CHN1: variants seen among roughly 807,000 people sequenced by gnomAD.
CHN1 encodes the protein N-chimaerin.
CHN1 carries 37 observed loss-of-function variants against 59.5 expected under a neutral mutation model. The observed-to-expected ratio is 0.62, with a 90% CI of 0.48 to 0.82. The LOEUF (loss-of-function observed/expected upper bound fraction) is 0.82. Among genes scored for constraint, CHN1 ranks in the 40% least tolerant of loss-of-function variants. The pLI is 0.00. For missense variants in CHN1, 469 were observed against 571.0 expected (o/e 0.82, Z 1.82); for synonymous variants, 206 against 200.4 (o/e 1.03, Z -0.24).
At chr2:174,979,280 A>G (rs1336322600) in intron 1 of CHN1, among the ~76,000 whole-genome samples, 6 of 152,208 alleles carry the variant, frequency 3.9e-5, no homozygotes. Flanking sequence ...TATCAACCAT[A>G]ATAACTTGTT....
intron 6 of CHN1, among the ~76,000 whole-genome samples, chr2:174,860,141 A>G (rs1001177843): frequency 1.3e-5 from 2 of 152,192 alleles, no homozygotes; most frequent in Non-Finnish European, 2.9e-5. Flanking sequence ...ATAAAAACAA[A>G]TCAATAAAAC....
chr2:174,921,093 T>C (rs1467608997), intron 3 of CHN1: 1 of 372,730 alleles, frequency 2.7e-6, no homozygotes, highest in South Asian at 2.0e-5. Context: ...GGGGAGCGGC[T>C]GTAGTTGAAG....
chr2:174,941,458 G>T (rs1287242706), intron 3 of CHN1, among the ~76,000 whole-genome samples: 1 of 152,028 alleles, frequency 6.6e-6, no homozygotes, highest in African/African-American at 2.4e-5. Flanking sequence ...TTCTAATTGT[G>T]TCCCATTCTC....
chr2:174,972,121 G>C (rs1351704679), intron 1 of CHN1, among the ~76,000 whole-genome samples: 5 of 152,126 alleles, frequency 3.3e-5, no homozygotes, highest in Non-Finnish European at 7.4e-5. Flanking sequence ...CTTATGGTCA[G>C]GTTCATTCAC....
intron 8 of CHN1, among the ~76,000 whole-genome samples, chr2:174,820,056 G>A (rs1232901481): frequency 6.6e-6 from 1 of 151,868 alleles, no homozygotes; most frequent in East Asian, 1.9e-4. Context: ...TCTTAATCCA[G>A]TCTATCAATC....
intron 1 of CHN1, among the ~76,000 whole-genome samples, chr2:174,988,585 A>T (rs1247177673): frequency 2.0e-5 from 3 of 152,190 alleles, no homozygotes; most frequent in Admixed American, 2.0e-4. Context: ...TTGAGACAAT[A>T]TGACAGATAA....
intron 3 of CHN1, among the ~76,000 whole-genome samples, chr2:174,944,005 T>C (rs1327738841): frequency 6.6e-6 from 1 of 152,190 alleles, no homozygotes; most frequent in Non-Finnish European, 1.5e-5. Flanking sequence ...AGAGGGACCA[T>C]ACTTACTATA....
At chr2:175,004,344 T>C (rs1347629672) in intron 1 of CHN1, among the ~76,000 whole-genome samples, 1 of 152,230 alleles carries the variant, frequency 6.6e-6, no homozygotes, top group African/African-American at 2.4e-5. Context: ...CTTTATTCTG[T>C]CTGCTCTCAT....
intron 1 of CHN1, among the ~76,000 whole-genome samples, chr2:174,962,320 T>C (rs780283523): frequency 3.8e-4 from 58 of 152,006 alleles, no homozygotes; most frequent in Non-Finnish European, 5.9e-4. Context: ...AAATATTTCA[T>C]CTAATAGAAG....
rs1205440597 is a variant in CHN1, at chr2:174,962,754, A to T, written c.20-10552T>A. Among the ~76,000 whole-genome samples the T allele has an allele frequency of 4.6e-5, 7 of 151,238 alleles. No homozygotes were observed. The East Asian group carries it at 1.2e-3, about 25-fold the overall frequency. ...GTGAAACCCGGCCTCTACTAAAAAT[A>T]CAAAAATTAGCCGGGCATGATGGCA... is the stretch of plus-strand genomic sequence containing the variant. On this transcript the variant is annotated intron_variant, in intron 1 of 12. Transcript: ENST00000409900.
intron 1 of CHN1, among the ~76,000 whole-genome samples, chr2:174,955,184 C>CTA (rs368644554): frequency 0.32 from 26,661 of 82,444 alleles, 2,719 homozygotes; most frequent in Non-Finnish European, 0.36. Flanking sequence ...ATATCTATAT[C>CTA]TATATATATA....
At chr2:174,890,378 G>A (rs956259328) in intron 5 of CHN1, among the ~76,000 whole-genome samples, 2 of 152,282 alleles carry the variant, frequency 1.3e-5, no homozygotes, top group African/African-American at 4.8e-5. Flanking sequence ...GGAAGATATA[G>A]TAAGTATAAA....
intron 3 of CHN1, among the ~76,000 whole-genome samples, chr2:174,936,153 T>C (rs1480723661): frequency 6.6e-6 from 1 of 152,132 alleles, no homozygotes; most frequent in Non-Finnish European, 1.5e-5. Flanking sequence ...ACAACCTCAT[T>C]GTTACTATAA....
At chr2:174,973,505 G>C (rs926907230) in intron 1 of CHN1, among the ~76,000 whole-genome samples, 1 of 152,202 alleles carries the variant, frequency 6.6e-6, no homozygotes. Context: ...TATTTTCTAT[G>C]CACAAGCAAA....
In CHN1 at chr2:174,822,817, C is replaced by T. The variant is rs577317301; in HGVS notation, c.712+1617G>A. ...CCCAACTCTGGATAACCACCAGCCA[C>T]AGCAAGGCTTTCCTCATTCACTCTG... On this transcript the variant is annotated intron_variant, in intron 8 of 12. Transcript: ENST00000409900. Among the ~76,000 whole-genome samples the T allele has an allele frequency of 3.8e-4, 58 of 152,370 alleles. No individual in the cohort carries two copies. In the South Asian group the frequency reaches 0.011, roughly 30 times the overall value.
intron 6 of CHN1, among the ~76,000 whole-genome samples, chr2:174,863,587 C>T (rs1687128704): frequency 1.3e-5 from 2 of 151,642 alleles, no homozygotes; most frequent in East Asian, 3.9e-4. Flanking sequence ...ATTTTAATTT[C>T]CAATATAGTA....
intron 5 of CHN1, among the ~76,000 whole-genome samples, chr2:174,900,440 G>A (rs999007484): frequency 6.6e-6 from 1 of 152,052 alleles, no homozygotes; most frequent in Non-Finnish European, 1.5e-5. Context: ...GGAGTTCCAG[G>A]CTACAGTGAG....
intron 7 of CHN1, among the ~76,000 whole-genome samples, chr2:174,846,650 C>G (rs963970922): frequency 6.6e-6 from 1 of 152,158 alleles, no homozygotes; most frequent in African/African-American, 2.4e-5. Flanking sequence ...AGTGAGTACA[C>G]ATTGATAAAA....
At chr2:174,839,263 A>T (rs980738546) in intron 7 of CHN1, among the ~76,000 whole-genome samples, 2 of 152,166 alleles carry the variant, frequency 1.3e-5, no homozygotes, top group Non-Finnish European at 2.9e-5. Context: ...GGTGACTTTT[A>T]AAAATTGCGT....
Sources: gnomAD v4.1 joint callset for allele counts (sites outside exome capture counted in the v4.1 genomes callset) on GRCh38, gnomAD v4.1.1 for gene constraint, MANE v1.5 for transcripts, NCBI Gene and HGNC (gene_info 2026-07-23, HGNC 2026-07-21) for gene names.